Variants in HOMER2 observed in about 807,000 individuals in gnomAD.
HOMER2 encodes homer scaffold protein 2, also known as homer protein homolog 2.
A neutral mutation model predicts 47.0 loss-of-function variants in HOMER2; 27 were observed. That is an observed-to-expected ratio of 0.57 (90% CI 0.42 to 0.79). The LOEUF is 0.79. HOMER2 is among the 30% of genes least tolerant of loss of function. HOMER2 has a pLI of 0.00. For missense variants in HOMER2, 443 were observed against 435.0 expected, an observed-to-expected ratio of 1.02 and a Z score of -0.16; for synonymous variants, 161 against 163.8, an observed-to-expected ratio of 0.98 and a Z score of 0.13.
At chr15:82,882,601 CA>C (rs2052558153) in intron 2 of HOMER2, among the ~76,000 whole-genome samples, 1 of 152,226 alleles carries the variant, frequency 6.6e-6, no homozygotes, top group South Asian at 2.1e-4. Flanking sequence ...GAATAAAGAA[CA>C]GGTCTGAGTA....
In HOMER2 at chr15:82,851,144, C is replaced by T. The variant is rs1396575174; in HGVS notation, c.843+7G>A. ...AGCCAGGATGGCTGTGCCCCCAACC[C>T]ACGTACCTCTAGCTTCTCAGAGACA... On this transcript the variant is annotated splice_region_variant and intron_variant, in intron 8 of 8. Coordinates refer to ENST00000450735, the MANE Select transcript of HOMER2 (RefSeq NM_004839.4). 2 of 1,572,626 alleles carry T rather than the reference C, an allele frequency of 1.3e-6. No homozygotes were observed. The highest frequency in any genetic ancestry group is 1.7e-6 in the Non-Finnish European group (2 of 1,155,242).
intron 5 of HOMER2, 36 bp from the exon 6 acceptor site, chr15:82,854,836 G>A: frequency 1.3e-6 from 2 of 1,588,580 alleles, no homozygotes; most frequent in Non-Finnish European, 1.7e-6. Context: ...GACGGGGTGG[G>A]TGCTGTCCCG....
chr15:82,851,590 G>A (rs1349443092), intron 7 of HOMER2, among the ~76,000 whole-genome samples: 1 of 152,150 alleles, frequency 6.6e-6, no homozygotes. Flanking sequence ...AGGCATGGTG[G>A]CAGTGAGTGC....
intron 1 of HOMER2, among the ~76,000 whole-genome samples, chr15:82,980,881 G>A (rs573580307): frequency 1.3e-5 from 2 of 152,242 alleles, no homozygotes; most frequent in East Asian, 3.9e-4. Flanking sequence ...TGACTGAATT[G>A]AACAGAAAAG....
chr15:82,846,033 C>T (rs1350457882), downstream of HOMER2: 1 of 152,284 alleles, frequency 6.6e-6, no homozygotes, highest in African/African-American at 2.4e-5. Context: ...GCCCTCTGTG[C>T]ACAGTCTTCC....
At chr15:82,925,719 T>A (rs2053838696) in intron 1 of HOMER2, among the ~76,000 whole-genome samples, 1 of 152,090 alleles carries the variant, frequency 6.6e-6, no homozygotes, top group Admixed American at 6.5e-5. Context: ...CCAGGTTAGA[T>A]ACCTATTATT....
chr15:82,862,421 G>C (rs2051825102), intron 4 of HOMER2, among the ~76,000 whole-genome samples: 1 of 152,132 alleles, frequency 6.6e-6, no homozygotes, highest in South Asian at 2.1e-4. Context: ...CGAGCCCAGG[G>C]GCAGCACAGC....
chr15:82,938,357 G>A (rs1196710365), intron 1 of HOMER2, among the ~76,000 whole-genome samples: 1 of 152,132 alleles, frequency 6.6e-6, no homozygotes, highest in East Asian at 1.9e-4. Flanking sequence ...CTGGGCGACA[G>A]AGCAAGACAC....
At chr15:82,866,929 T>C (rs1179026163) in intron 3 of HOMER2, among the ~76,000 whole-genome samples, 1 of 152,186 alleles carries the variant, frequency 6.6e-6, no homozygotes, top group Non-Finnish European at 1.5e-5. Flanking sequence ...AGATACATTT[T>C]AAATAAATAA....
intron 2 of HOMER2, among the ~76,000 whole-genome samples, chr15:82,878,572 C>T (rs2052425375): frequency 6.6e-6 from 1 of 152,170 alleles, no homozygotes; most frequent in African/African-American, 2.4e-5. Context: ...AATATTGCTT[C>T]CGCTCTATTC....
intron 3 of HOMER2, 125 bp downstream of exon 3, chr15:82,875,148 G>A (rs899046676): frequency 8.9e-7 from 1 of 1,126,890 alleles, no homozygotes; most frequent in African/African-American, 1.5e-5. Flanking sequence ...CGTGATGCCA[G>A]GAGGAGTGAA....
Position 82,849,849 on chromosome 15 carries a change from C to CT in HOMER2, c.897dup (p.Asp300ArgfsTer3). The CT allele has an allele frequency of 6.2e-7, 1 of 1,614,028 alleles. No individual in the cohort carries two copies. The highest frequency in any genetic ancestry group is 8.5e-7 in the Non-Finnish European group (1 of 1,179,886). The stretch of plus-strand genomic sequence containing the variant: ...TGTCGGTATTTGCTCTCCTCAATGT[C>CT]TGTCTTTAAGGAACGCACTTTGTCT... On this transcript the variant is annotated frameshift_variant, in exon 9 of 9. Coordinates refer to ENST00000450735, the MANE Select transcript of HOMER2 (RefSeq NM_004839.4). LOFTEE classifies it high-confidence loss of function.
intron 1 of HOMER2, among the ~76,000 whole-genome samples, chr15:82,964,146 A>G (rs2054653417): frequency 6.6e-6 from 1 of 152,252 alleles, no homozygotes; most frequent in African/African-American, 2.4e-5. Context: ...ATCAGTGTTT[A>G]CAGAGGAAGA....
At chr15:82,869,053 G>A (rs2052090288) in intron 3 of HOMER2, among the ~76,000 whole-genome samples, 1 of 152,096 alleles carries the variant, frequency 6.6e-6, no homozygotes, top group Non-Finnish European at 1.5e-5. Context: ...ATTAAAAGTA[G>A]GTATAAATGC....
chr15:82,854,793 T>C lies in HOMER2; in HGVS notation c.502A>G (p.Asn168Asp), dbSNP rs1360490826. 5.6e-6 allele frequency: 9 copies of C among 1,608,692 alleles called. No homozygotes were observed. Among genetic ancestry groups the C allele is most frequent in the African/African-American group, 4.0e-5 (3 of 74,922 alleles). ...AGCTCGATCTCCCACTTCTTCACGT[T>C]GGCTGCGCTGCAGGACAGGGACGGG... Reference protein sequence around the residue: ...LKIALTQSAANVKKWEIELQT... With the variant: ...LKIALTQSAADVKKWEIELQT... Residue 168 changes from asparagine (N) to aspartate (D), a missense_variant, in exon 6 of 9, where the codon AAC (asparagine) becomes GAC (aspartate). By Grantham distance (23) the Asn-to-Asp change is conservative (BLOSUM62 1). Coordinates refer to ENST00000450735, the MANE Select transcript of HOMER2 (RefSeq NM_004839.4).
intron 8 of HOMER2, 77 bp from the exon 9 acceptor site, chr15:82,849,980 C>T: frequency 6.9e-7 from 1 of 1,439,246 alleles, no homozygotes. Flanking sequence ...ACAGCTGAAC[C>T]AACCATTCTC....
At chr15:82,961,148 C>T (rs921820109) in intron 1 of HOMER2, among the ~76,000 whole-genome samples, 3 of 152,224 alleles carry the variant, frequency 2.0e-5, no homozygotes, top group Admixed American at 6.5e-5. Context: ...CTGTCACTTC[C>T]GAGCTACAAT....
At chr15:82,943,049 C>T (rs1171885044) in intron 1 of HOMER2, among the ~76,000 whole-genome samples, 1 of 152,170 alleles carries the variant, frequency 6.6e-6, no homozygotes, top group Non-Finnish European at 1.5e-5. Context: ...AACCACCTAA[C>T]TCCAGACGGT....
At chr15:82,983,225 T>C (rs984357018) in intron 1 of HOMER2, among the ~76,000 whole-genome samples, 3 of 152,222 alleles carry the variant, frequency 2.0e-5, no homozygotes, top group Non-Finnish European at 4.4e-5. Context: ...AGAATGTTTG[T>C]ATAGGTATTC....
Sources: gnomAD v4.1 joint callset for allele counts (sites outside exome capture counted in the v4.1 genomes callset) on GRCh38, gnomAD v4.1.1 for gene constraint, MANE v1.5 for transcripts, NCBI Gene and HGNC (gene_info 2026-07-23, HGNC 2026-07-21) for gene names.